CDH8: variants seen among roughly 807,000 people sequenced by gnomAD.
CDH8 encodes cadherin-8.
CDH8 carries 17 observed loss-of-function variants against 68.1 expected under a neutral mutation model. The ratio of observed to expected loss-of-function variants is 0.25; its 90% confidence interval spans 0.17 to 0.37. The LOEUF is 0.37. Among genes scored for constraint, CDH8 ranks in the 10% least tolerant of loss-of-function variants. The probability of loss-of-function intolerance (pLI) is 1.00; values close to 1 mark genes in which losing one functional copy is unlikely to be tolerated. For missense variants in CDH8, 763 were observed against 999.3 expected, an observed-to-expected ratio of 0.76 and a Z score of 3.19; for synonymous variants, 372 against 365.1, an observed-to-expected ratio of 1.02 and a Z score of -0.21.
At chr16:61,897,651 T>A (rs1439125709) in intron 3 of CDH8, among the ~76,000 whole-genome samples, 1 of 152,090 alleles carries the variant, frequency 6.6e-6, no homozygotes, top group Non-Finnish European at 1.5e-5. Flanking sequence ...GAGGCAAAAA[T>A]AACAGCTTCT....
At chr16:62,032,693 A>G (rs981943376) in intron 1 of CDH8, among the ~76,000 whole-genome samples, 1 of 152,126 alleles carries the variant, frequency 6.6e-6, no homozygotes, top group Non-Finnish European at 1.5e-5. Flanking sequence ...GATTTGCCAG[A>G]CACAAAAGTT....
chr16:61,735,696 A>G (rs1240407988), intron 8 of CDH8, among the ~76,000 whole-genome samples: 2 of 152,144 alleles, frequency 1.3e-5, no homozygotes, highest in Non-Finnish European at 2.9e-5. Context: ...GAAAGAAGAA[A>G]CACTTTTCTA....
intron 8 of CDH8, among the ~76,000 whole-genome samples, chr16:61,772,093 G>C (rs1960792387): frequency 6.6e-6 from 1 of 151,862 alleles, no homozygotes; most frequent in Non-Finnish European, 1.5e-5. Flanking sequence ...GAACCCAGAG[G>C]TTTCTAAATA....
intron 2 of CDH8, among the ~76,000 whole-genome samples, chr16:61,942,874 C>T (rs1038667420): frequency 2.0e-5 from 3 of 152,138 alleles, no homozygotes; most frequent in African/African-American, 7.2e-5. Flanking sequence ...GAATTCAACA[C>T]CAGCCTGGAC....
chr16:62,027,797 A>G (rs182661167), intron 1 of CDH8, among the ~76,000 whole-genome samples: 16 of 152,326 alleles, frequency 1.1e-4, no homozygotes, highest in Non-Finnish European at 2.4e-4. Flanking sequence ...TCAAATATAA[A>G]TAATACAGGA....
intron 4 of CDH8, among the ~76,000 whole-genome samples, chr16:61,850,686 C>T (rs1032263009): frequency 6.6e-6 from 1 of 152,000 alleles, no homozygotes; most frequent in Non-Finnish European, 1.5e-5. Flanking sequence ...CCTTTGATTT[C>T]CTCATGCCAA....
At chr16:61,814,984 A>G (rs1454976587) in intron 7 of CDH8, among the ~76,000 whole-genome samples, 1 of 152,186 alleles carries the variant, frequency 6.6e-6, no homozygotes, top group Non-Finnish European at 1.5e-5. Context: ...GTTTAATAAA[A>G]AATGTGTGGG....
chr16:61,871,177 A>G (rs1963353312), intron 3 of CDH8, among the ~76,000 whole-genome samples: 1 of 151,670 alleles, frequency 6.6e-6, no homozygotes, highest in Admixed American at 6.6e-5. Context: ...CACTTATACA[A>G]TAAGTATATT....
At chr16:61,743,870 A>G (rs1015645445) in intron 8 of CDH8, among the ~76,000 whole-genome samples, 2 of 152,002 alleles carry the variant, frequency 1.3e-5, no homozygotes, top group African/African-American at 4.8e-5. Flanking sequence ...CATTTTTTAA[A>G]TGTGTTAATT....
At chr16:61,684,733 T>C (rs1475282078) in intron 10 of CDH8, among the ~76,000 whole-genome samples, 6 of 151,972 alleles carry the variant, frequency 3.9e-5, no homozygotes, top group Non-Finnish European at 8.8e-5. Context: ...AGAGCTTGGC[T>C]GGGTTAAGCT....
intron 4 of CDH8, among the ~76,000 whole-genome samples, chr16:61,846,308 T>C (rs757325156): frequency 7.9e-5 from 12 of 152,012 alleles, no homozygotes; most frequent in Non-Finnish European, 1.6e-4. Context: ...CAAGAAAACA[T>C]CCAATTGGTA....
chr16:61,653,720 T>C lies in CDH8; in HGVS notation c.2288A>G (p.Glu763Gly). The C allele has an allele frequency of 6.2e-7, 1 of 1,614,162 alleles. No homozygotes were observed. Among genetic ancestry groups the C allele is most frequent in the Non-Finnish European group, 8.5e-7 (1 of 1,180,024 alleles). ...CTGGTCTGAGTCTGATGTGGTGGAC[T>C]CCAAGGAGCTGAGGGAGCCAGCCAC... ...GSVAGSLSSL[E>G]STTSDSDQNF... The change falls in exon 12 of 12, where the codon GAG becomes GGG. Residue 763 changes from glutamate to glycine, a missense_variant. Glu to Gly is a moderately conservative substitution (Grantham distance 98). Coordinates refer to ENST00000577390, the MANE Select transcript of CDH8 (RefSeq NM_001796.5).
intron 10 of CDH8, among the ~76,000 whole-genome samples, chr16:61,677,320 G>A (rs1963932840): frequency 6.6e-6 from 1 of 150,802 alleles, no homozygotes; most frequent in South Asian, 2.1e-4. Flanking sequence ...AATACTGCTG[G>A]TACTTTTCCT....
At chr16:61,674,812 A>C (rs1380616247) in intron 10 of CDH8, among the ~76,000 whole-genome samples, 1 of 152,040 alleles carries the variant, frequency 6.6e-6, no homozygotes, top group Non-Finnish European at 1.5e-5. Flanking sequence ...ATAAATAATA[A>C]AATAATATCT....
intron 1 of CDH8, among the ~76,000 whole-genome samples, chr16:62,033,805 A>C (rs1443076273): frequency 6.6e-6 from 1 of 151,980 alleles, no homozygotes; most frequent in Non-Finnish European, 1.5e-5. Flanking sequence ...GAGTTGCTGG[A>C]AAGACTCCCC....
intron 8 of CDH8, among the ~76,000 whole-genome samples, chr16:61,768,435 C>CCT (rs1179832160): frequency 1.1e-5 from 1 of 93,752 alleles, no homozygotes; most frequent in African/African-American, 4.4e-5. Flanking sequence ...TCTCCCTCTC[C>CCT]CTCTCTCTCT....
chr16:61,739,555 A>C (rs1959801191), intron 8 of CDH8, among the ~76,000 whole-genome samples: 1 of 151,900 alleles, frequency 6.6e-6, no homozygotes, highest in Non-Finnish European at 1.5e-5. Flanking sequence ...ACATAGCATT[A>C]GGTTGGTGCA....
At chr16:61,741,134 C>T (rs1202296181) in intron 8 of CDH8, among the ~76,000 whole-genome samples, 1 of 152,064 alleles carries the variant, frequency 6.6e-6, no homozygotes, top group Non-Finnish European at 1.5e-5. Context: ...TCTCAATTTG[C>T]AATGTCCTGA....
chr16:62,012,306 C>G (rs917086160), intron 2 of CDH8, among the ~76,000 whole-genome samples: 4 of 152,086 alleles, frequency 2.6e-5, no homozygotes, highest in African/African-American at 9.7e-5. Context: ...AATATAAAAC[C>G]TTCACATCTG....
Sources: allele counts gnomAD v4.1 joint callset (sites outside exome capture counted in the v4.1 genomes callset), GRCh38; gene constraint gnomAD v4.1.1; transcripts MANE v1.5; gene names NCBI Gene and HGNC (gene_info 2026-07-23, HGNC 2026-07-21).